The following MRPS23 variants were observed in gnomAD, a reference collection of about 807,000 sequenced individuals.
The protein encoded by MRPS23 is small ribosomal subunit protein mS23.
Under a neutral mutation model 19.8 loss-of-function variants are expected in MRPS23, and 14 were observed. The ratio of observed to expected loss-of-function variants is 0.71; its 90% CI spans 0.47 to 1.11. The LOEUF (loss-of-function observed/expected upper bound fraction) is 1.11. MRPS23 is among the 50% of genes least tolerant of loss of function. The pLI is 0.00. For missense variants in MRPS23, 242 were observed against 236.7 expected (o/e 1.02, Z -0.15); for synonymous variants, 113 against 89.7 (o/e 1.26, Z -1.47).
In MRPS23 at chr17:57,836,731, A is replaced by G. The variant is rs1205312720; in HGVS notation, c.*3052T>C. 6.7e-6 allele frequency: 1 copy of G among 149,554 alleles called. No individual in the cohort carries two copies. The highest frequency in any genetic ancestry group is 2.0e-4 in the East Asian group (1 of 5,104). The allele number at this position is 149,554 out of a possible 1,614,324, so 9.3% of individuals were successfully genotyped here. On this transcript the variant is annotated 3_prime_UTR_variant, in exon 5 of 5. Coordinates refer to ENST00000313608, the MANE Select transcript of MRPS23 (RefSeq NM_016070.4). ...TGCTCTGTCGCCCAAGCTGGAGTGC[A>G]GTGGCACAATCTCGGCTCAACTGCA...
At chr17:57,844,776 A>C (rs1032331776) in intron 2 of MRPS23, among the ~76,000 whole-genome samples, 233 of 8,532 alleles carry the variant, frequency 0.027, no homozygotes, top group Middle Eastern at 0.11. Context: ...ACTCCATCTC[A>C]AAAAAAAAAA....
rs1316269000 is a variant in MRPS23 at position 57,849,982 on chromosome 17, C to T, written c.29G>A (p.Gly10Glu). ...GAGCACACACCGAGAGAAGATGCTC[C>T]CTACGGTTTCCAGCCGGCTGCCTGC... is the stretch of plus-strand genomic sequence containing the variant. MAGSRLETVGSIFSRTRDLV... is the reference protein window; with the variant it reads MAGSRLETVESIFSRTRDLV... The change falls in exon 1 of 5, where the codon GGG (glycine) becomes GAG (glutamate). Residue 10 changes from glycine (G) to glutamate (E), a missense_variant. Physicochemically the swap from Gly to Glu is moderately conservative, Grantham distance 98. Coordinates refer to ENST00000313608, the MANE Select transcript of MRPS23 (RefSeq NM_016070.4). The T allele has an allele frequency of 6.3e-7, 1 of 1,590,560 alleles. No individual in the cohort carries two copies.
chr17:57,844,734 C>T (rs187930537), intron 2 of MRPS23, among the ~76,000 whole-genome samples: 2 of 143,376 alleles, frequency 1.4e-5, no homozygotes, highest in Non-Finnish European at 3.0e-5. Flanking sequence ...TGAACCACTG[C>T]ACTCCAGCCT....
At chr17:57,849,558 C>A (rs1177443358) in intron 1 of MRPS23, 148 bp from the exon 2 acceptor site, 4 of 963,814 alleles carry the variant, frequency 4.2e-6, no homozygotes, top group Non-Finnish European at 6.0e-6. Context: ...CAGAGAAGAT[C>A]TGTCCACATC....
chr17:57,846,954 TAAAAAATAA>T (rs2073780410), intron 2 of MRPS23, among the ~76,000 whole-genome samples: 2 of 150,646 alleles, frequency 1.3e-5, no homozygotes, highest in Admixed American at 1.3e-4. Flanking sequence ...AAATTAAAAA[TAAAAAATAA>T]AAAAAAGAAA....
intron 2 of MRPS23, 33 bp from the exon 3 acceptor site, chr17:57,841,293 C>T (rs768043012): frequency 1.1e-5 from 18 of 1,580,430 alleles, no homozygotes; most frequent in African/African-American, 6.8e-5. Flanking sequence ...TATAAATCTC[C>T]GATTATAGAC....
At chr17:57,842,396 C>T (rs1200883464) in intron 2 of MRPS23, among the ~76,000 whole-genome samples, 1 of 152,194 alleles carries the variant, frequency 6.6e-6, no homozygotes, top group Non-Finnish European at 1.5e-5. Context: ...TATCAAGTTC[C>T]AAAACATTTT....
In MRPS23 at chr17:57,850,011, G is replaced by A. The variant is rs1568017982; in HGVS notation, c.-1C>T. On this transcript the variant is annotated 5_prime_UTR_variant, in exon 1 of 5. Coordinates refer to ENST00000313608, the MANE Select transcript of MRPS23 (RefSeq NM_016070.4). ...CGGTTTCCAGCCGGCTGCCTGCCAT[G>A]ATCTGCGCCTGGTACCGAGCGTGAC... 2.5e-6 allele frequency: 4 copies of A among 1,593,076 alleles called. No homozygotes were observed. Among genetic ancestry groups the A allele is most frequent in the Admixed American group, 1.7e-5 (1 of 58,538 alleles).
intron 2 of MRPS23, among the ~76,000 whole-genome samples, chr17:57,846,194 C>G (rs1350911182): frequency 2.0e-5 from 3 of 148,990 alleles, no homozygotes; most frequent in African/African-American, 7.4e-5. Context: ...CCGCCCCGTC[C>G]GGGAGGGAGG....
At chr17:57,842,879 A>AT (rs1555653253) in intron 2 of MRPS23, among the ~76,000 whole-genome samples, 1,107 of 99,400 alleles carry the variant, frequency 0.011, 21 homozygotes, top group East Asian at 0.048. Flanking sequence ...AAAAAAAAAA[A>AT]ATATATATAT....
At position 57,841,010 on chromosome 17, in the gene MRPS23, T is replaced by C. The variant is rs764317236; in HGVS notation, c.336A>G (p.Thr112=). Residue 112 remains threonine (T), a synonymous_variant, in exon 4 of 5, where the codon ACA becomes ACG. Coordinates refer to ENST00000313608, the MANE Select transcript of MRPS23 (RefSeq NM_016070.4). ...TTTCCACAAATAACTTCTCTTCATCTGTTTCTCCAAGTTTCTGTAGCTCAG... is the reference window on the plus strand; with the variant it reads ...TTTCCACAAATAACTTCTCTTCATCCGTTTCTCCAAGTTTCTGTAGCTCAG... ...KYTELQKLGE[T]DEEKLFVETG... is the part of the protein sequence containing the mutation. 3.1e-6 allele frequency: 5 copies of C among 1,614,100 alleles called. No homozygotes were observed. Among genetic ancestry groups the C allele is most frequent in the Non-Finnish European group, 4.2e-6 (5 of 1,180,044 alleles).
chr17:57,849,161 T>C lies in MRPS23; in HGVS notation c.215+79A>G, dbSNP rs574053328. 2.3e-5 allele frequency: 36 copies of C among 1,541,766 alleles called. No homozygotes were observed. In the Admixed American group the frequency reaches 2.4e-4, roughly 10 times the overall value. ...GCAAACCCCTGACTCAATTTCATGT[T>C]TGAATTCCCAGACTGCTACCGAAAC... On this transcript the variant is annotated intron_variant, in intron 2 of 4. Transcript: ENST00000313608.
At chr17:57,849,655 C>A (rs1331074038) in intron 1 of MRPS23, among the ~76,000 whole-genome samples, 2 of 152,212 alleles carry the variant, frequency 1.3e-5, no homozygotes, top group Non-Finnish European at 2.9e-5. Flanking sequence ...CGGAAAAATG[C>A]AAAGAGCGGT....
At chr17:57,841,675 G>A (rs1403551876) in intron 2 of MRPS23, among the ~76,000 whole-genome samples, 1 of 152,202 alleles carries the variant, frequency 6.6e-6, no homozygotes. Flanking sequence ...AAAAACTGAG[G>A]TATGGCTAGG....
rs1442573895 is a variant in MRPS23, at chr17:57,839,840, TG to T, written c.515del (p.Pro172HisfsTer45). 2 of 1,614,228 alleles carry T rather than the reference TG, an allele frequency of 1.2e-6. No individual in the cohort carries two copies. Among genetic ancestry groups the T allele is most frequent in the Non-Finnish European group, 8.5e-7 (1 of 1,180,026 alleles). On this transcript the variant is annotated frameshift_variant, in exon 5 of 5. Transcript: ENST00000313608. LOFTEE classifies it low-confidence loss of function (END_TRUNC). The part of the protein sequence containing the change: ...LEENETQKEV[P>X]QDQHLEAPAD... Reference sequence around the variant, plus strand: ...CAGGTGCCTCCAAATGCTGGTCCTGTGGAACTTCTTTCTGAGTCTCGTTTTC... The same window carrying T: ...CAGGTGCCTCCAAATGCTGGTCCTGTGAACTTCTTTCTGAGTCTCGTTTTC...
rs765802258 is a variant in MRPS23, at chr17:57,849,338, G to C, written c.117C>G (p.Pro39=). The C allele has an allele frequency of 1.2e-6, 2 of 1,614,196 alleles. No homozygotes were observed. Among genetic ancestry groups the C allele is most frequent in the South Asian group, 1.1e-5 (1 of 91,084 alleles). The change falls in exon 2 of 5, where the codon CCC becomes CCG. Residue 39 remains proline (P), a synonymous_variant. Transcript: ENST00000313608. The part of the protein sequence containing the change: ...PLWFDVYDAF[P]PLREPVFQRP... ...TTTGGAAGACGGGCTCCCTCAGCGG[G>C]GGAAAGGCGTCATATACGTCAAACC...
Position 57,849,353 on chromosome 17 carries a change from T to A in MRPS23, c.102A>T (p.Val34=). 6.2e-7 allele frequency: 1 copy of A among 1,614,204 alleles called. No individual in the cohort carries two copies. Residue 34 remains valine (V), a synonymous_variant, in exon 2 of 5, where the codon GTA becomes GTT. Transcript: ENST00000313608. ...VLKEKPLWFD[V]YDAFPPLREP... ...CCCTCAGCGGGGGAAAGGCGTCATA[T>A]ACGTCAAACCACAGGGGCTTCTCCT...
intron 2 of MRPS23, among the ~76,000 whole-genome samples, chr17:57,843,268 CAAAA>C (rs11290064): frequency 3.6e-5 from 5 of 138,296 alleles, no homozygotes; most frequent in Non-Finnish European, 3.1e-5. Context: ...GATCCTGCCT[CAAAA>C]AAAAAAAAAA....
At chr17:57,840,626 CA>C (rs2073734472) in intron 4 of MRPS23, among the ~76,000 whole-genome samples, 1 of 151,752 alleles carries the variant, frequency 6.6e-6, no homozygotes, top group Non-Finnish European at 1.5e-5. Context: ...GCAGATTCAA[CA>C]AACCACGGAT....
Sources: allele counts gnomAD v4.1 joint callset (sites outside exome capture counted in the v4.1 genomes callset), GRCh38; gene constraint gnomAD v4.1.1; transcripts MANE v1.5; gene names NCBI Gene and HGNC (gene_info 2026-07-23, HGNC 2026-07-21).